The following TNPO1 variants were observed in gnomAD, a reference collection of about 807,000 sequenced individuals.
TNPO1 encodes transportin-1.
Under a neutral mutation model 119.5 loss-of-function variants are expected in TNPO1, and 8 were observed. That is an observed-to-expected ratio of 0.07 (90% confidence interval 0.04 to 0.12). The LOEUF is 0.12. Among genes scored for constraint, TNPO1 ranks in the 10% least tolerant of loss-of-function variants. The probability of loss-of-function intolerance (pLI) is 1.00; values close to 1 mark genes in which losing one functional copy is unlikely to be tolerated. For missense variants in TNPO1, 576 were observed against 1,089.8 expected (o/e 0.53, Z 6.64); for synonymous variants, 362 against 363.0 (o/e 1.00, Z 0.03).
intron 23 of TNPO1, among the ~76,000 whole-genome samples, chr5:72,905,042 C>G (rs1447017974): frequency 6.6e-6 from 1 of 152,088 alleles, no homozygotes. Context: ...AAAAACTACC[C>G]CTATGATTCA....
chr5:72,816,810 G>T, intron 1 of TNPO1, 58 bp downstream of exon 1: 3 of 1,538,436 alleles, frequency 2.0e-6, no homozygotes, highest in Non-Finnish European at 2.6e-6. Flanking sequence ...GAGGCTGGGA[G>T]CGCCGAGCTG....
At chr5:72,874,689 T>C (rs1747642463) in intron 7 of TNPO1, among the ~76,000 whole-genome samples, 1 of 152,222 alleles carries the variant, frequency 6.6e-6, no homozygotes, top group Non-Finnish European at 1.5e-5. Context: ...TCCCATTTGA[T>C]CGTTGAATTT....
At chr5:72,881,745 A>G (rs1328661999) in intron 9 of TNPO1, among the ~76,000 whole-genome samples, 1 of 152,202 alleles carries the variant, frequency 6.6e-6, no homozygotes, top group Non-Finnish European at 1.5e-5. Flanking sequence ...ACTTACAGAT[A>G]GTAATTTCAT....
chr5:72,839,705 AC>A (rs1302943157), intron 1 of TNPO1, among the ~76,000 whole-genome samples: 1 of 152,202 alleles, frequency 6.6e-6, no homozygotes. Context: ...CAGCTAGAAC[AC>A]CGCTGCTTAT....
In TNPO1 at chr5:72,913,687, G is replaced by C. The variant is rs1326497170; in HGVS notation, c.*5014G>C. 1.3e-5 allele frequency: 2 copies of C among 152,428 alleles called. No homozygotes were observed. Among genetic ancestry groups the C allele is most frequent in the African/African-American group, 4.8e-5 (2 of 41,426 alleles). The allele number at this position is 152,428 out of a possible 1,614,324, so 9.4% of individuals were successfully genotyped here. ...TCGCTGGTATTACATCTTTTTAAAA[G>C]CCTATTATAACATGGTTAGCCTATA... On this transcript the variant is annotated 3_prime_UTR_variant, in exon 25 of 25. Transcript: ENST00000337273.
At chr5:72,889,764 C>CTT (rs76051655) in intron 13 of TNPO1, 22 bp from the exon 14 acceptor site, 421 of 1,312,132 alleles carry the variant, frequency 3.2e-4, no homozygotes, top group South Asian at 8.7e-4. Context: ...AATAAGTATT[C>CTT]TTTTTTTTTT....
chr5:72,882,407 CTTA>C, intron 9 of TNPO1, 57 bp from the exon 10 acceptor site: 4 of 1,299,930 alleles, frequency 3.1e-6, no homozygotes, highest in Non-Finnish European at 4.4e-6. Context: ...AAGGTTAAGA[CTTA>C]TTAATTATTC....
intron 1 of TNPO1, among the ~76,000 whole-genome samples, chr5:72,821,848 G>T (rs904578370): frequency 6.6e-6 from 1 of 152,130 alleles, no homozygotes; most frequent in African/African-American, 2.4e-5. Context: ...GATCTGCTGT[G>T]TTCTTGGAAC....
At chr5:72,904,344 T>C (rs1202002513) in intron 23 of TNPO1, among the ~76,000 whole-genome samples, 1 of 152,250 alleles carries the variant, frequency 6.6e-6, no homozygotes, top group Non-Finnish European at 1.5e-5. Context: ...TTCTCTACTT[T>C]ATCTTTTCGT....
chr5:72,819,364 G>A (rs915460164), intron 1 of TNPO1, among the ~76,000 whole-genome samples: 8 of 152,320 alleles, frequency 5.3e-5, no homozygotes, highest in African/African-American at 1.9e-4. Flanking sequence ...ATTTGTAGTT[G>A]TATGCGTGGA....
intron 22 of TNPO1, 126 bp downstream of exon 22, chr5:72,901,199 T>A: frequency 1.8e-6 from 1 of 568,910 alleles, no homozygotes; most frequent in Non-Finnish European, 2.9e-6. Context: ...GTTAAACCTT[T>A]AAAATGTATA....
At chr5:72,878,776 G>A (rs1748012555) in intron 9 of TNPO1, 1 of 302,502 alleles carries the variant, frequency 3.3e-6, no homozygotes, top group Non-Finnish European at 6.4e-6. Flanking sequence ...AATTTTAAAT[G>A]TCATAGATAC....
chr5:72,894,769 C>G (rs1158416296), intron 18 of TNPO1, among the ~76,000 whole-genome samples: 2 of 152,040 alleles, frequency 1.3e-5, no homozygotes, highest in South Asian at 2.1e-4. Context: ...AACCATTTCT[C>G]AAAAAACTAA....
intron 9 of TNPO1, among the ~76,000 whole-genome samples, chr5:72,880,855 TGG>T (rs1359656660): frequency 6.7e-6 from 1 of 149,844 alleles, no homozygotes; most frequent in Non-Finnish European, 1.5e-5. Flanking sequence ...AATGGCTACA[TGG>T]GGGCTTCAGG....
intron 18 of TNPO1, among the ~76,000 whole-genome samples, chr5:72,895,203 T>A (rs1749339866): frequency 6.6e-6 from 1 of 152,252 alleles, no homozygotes; most frequent in Non-Finnish European, 1.5e-5. Context: ...ATTGCATCTT[T>A]GTTGTCTTTA....
intron 1 of TNPO1, among the ~76,000 whole-genome samples, chr5:72,845,200 A>G (rs918892911): frequency 6.6e-6 from 1 of 151,652 alleles, no homozygotes; most frequent in Non-Finnish European, 1.5e-5. Flanking sequence ...CCTTTTTTTG[A>G]GACATTTAGA....
rs777141974 is a variant in TNPO1 at position 72,905,359 on chromosome 5, C to T, written c.2646C>T (p.Asp882=). 6.2e-6 allele frequency: 10 copies of T among 1,611,982 alleles called. 1 individual carries two copies. In the South Asian group the frequency reaches 1.1e-4, roughly 18 times the overall value. ...VGDENWRRFS[D]QFPLPLKERL... ...ATGAAAATTGGAGGCGTTTCTCTGA[C>T]CAGTTTCCTCTTCCCTTAAAAGAGC... Residue 882 remains aspartate (D), a synonymous_variant, in exon 24 of 25, where the codon GAC becomes GAT. Coordinates refer to ENST00000337273, the MANE Select transcript of TNPO1 (RefSeq NM_002270.4).
intron 24 of TNPO1, among the ~76,000 whole-genome samples, chr5:72,906,197 T>C (rs1185875409): frequency 6.7e-6 from 1 of 149,684 alleles, no homozygotes; most frequent in African/African-American, 2.5e-5. Flanking sequence ...AAAACTCAGT[T>C]GGGTTTTGGC....
In TNPO1 at chr5:72,865,416, C is replaced by T. The variant is rs372388939; in HGVS notation, c.463-180C>T. Reference sequence around the variant, plus strand: ...GAGATGGTGCCACTGCCAGCCTGGGCGACACACCAAGACTCCGTCTCAAAA... The same window carrying T: ...GAGATGGTGCCACTGCCAGCCTGGGTGACACACCAAGACTCCGTCTCAAAA... On this transcript the variant is annotated intron_variant, in intron 5 of 24. Transcript: ENST00000337273. Among the ~76,000 whole-genome samples the T allele has an allele frequency of 2.1e-3, 303 of 146,662 alleles. 3 individuals carry two copies. The highest frequency in any genetic ancestry group is 7.4e-3 in the African/African-American group (292 of 39,726).
Sources: gnomAD v4.1 joint callset for allele counts (sites outside exome capture counted in the v4.1 genomes callset) on GRCh38, gnomAD v4.1.1 for gene constraint, MANE v1.5 for transcripts, NCBI Gene and HGNC (gene_info 2026-07-23, HGNC 2026-07-21) for gene names.